The following CHKA variants were observed in gnomAD, a reference collection of about 807,000 sequenced individuals.
CHKA encodes choline kinase alpha.
CHKA carries 34 observed loss-of-function variants against 60.1 expected under a neutral mutation model. The ratio of observed to expected loss-of-function variants is 0.57; its 90% CI spans 0.43 to 0.75. CHKA has a LOEUF of 0.75. Among genes scored for constraint, CHKA ranks in the 30% least tolerant of loss-of-function variants. CHKA has a pLI of 0.00. For synonymous variants in CHKA, 217 were observed against 223.1 expected, an observed-to-expected ratio of 0.97 and a Z score of 0.24; for missense variants, 563 against 561.3, an observed-to-expected ratio of 1.00 and a Z score of -0.03.
At chr11:68,061,693 A>G in intron 11 of CHKA, 1 of 540,566 alleles carries the variant, frequency 1.8e-6, no homozygotes, top group Non-Finnish European at 3.6e-6. Flanking sequence ...TCTCTGAAGC[A>G]GGGGAGGCAA....
chr11:68,117,662 G>C (rs922411125), intron 1 of CHKA, among the ~76,000 whole-genome samples: 1 of 152,146 alleles, frequency 6.6e-6, no homozygotes, highest in Non-Finnish European at 1.5e-5. Context: ...GGGTGACAGA[G>C]CAAGACTCCA....
chr11:68,071,411 T>C (rs140165070), intron 4 of CHKA, among the ~76,000 whole-genome samples: 13 of 152,296 alleles, frequency 8.5e-5, no homozygotes, highest in Non-Finnish European at 1.5e-4. Context: ...CAGGGCAAAG[T>C]TGGGCAAAGA....
chr11:68,073,498 T>C (rs533641278), intron 4 of CHKA, among the ~76,000 whole-genome samples: 2 of 152,212 alleles, frequency 1.3e-5, no homozygotes, highest in South Asian at 2.1e-4. Context: ...TACTAAAACA[T>C]AGCCAGGTGC....
At chr11:68,073,745 C>T (rs1488757836) in intron 4 of CHKA, among the ~76,000 whole-genome samples, 1 of 152,182 alleles carries the variant, frequency 6.6e-6, no homozygotes, top group Non-Finnish European at 1.5e-5. Context: ...GCAGAGCACC[C>T]CTCTGCCAGG....
At chr11:68,070,393 G>A (rs192427162) in intron 5 of CHKA, 100 bp from the exon 6 acceptor site, 1,109 of 912,450 alleles carry the variant, frequency 1.2e-3, no homozygotes, top group Non-Finnish European at 1.8e-3. Flanking sequence ...CAATCCCAGC[G>A]CAGTCACAAT....
At chr11:68,093,165 G>A (rs1315604837) in intron 2 of CHKA, among the ~76,000 whole-genome samples, 1 of 151,930 alleles carries the variant, frequency 6.6e-6, no homozygotes, top group African/African-American at 2.4e-5. Flanking sequence ...ATGCCACCAC[G>A]CCCAGCTATT....
chr11:68,120,846 A>G lies in CHKA; in HGVS notation c.332T>C (p.Phe111Ser). 3 of 1,327,224 alleles carry G rather than the reference A, an allele frequency of 2.3e-6. No homozygotes were observed. Among genetic ancestry groups the G allele is most frequent in the Non-Finnish European group, 2.9e-6 (3 of 1,021,938 alleles). 82.2% of individuals were successfully genotyped at this position (1,327,224 alleles called of 1,614,324 possible). Residue 111 changes from phenylalanine (F) to serine (S), a missense_variant, in exon 1 of 12, where the codon TTC becomes TCC. Physicochemically the swap from Phe to Ser is radical, Grantham distance 155 (BLOSUM62 -2). Transcript: ENST00000265689. ...CACCGACCTGATGACACTGATGTGG[A>G]ACTCGTCCTCGCGGAGGCCCCGCCA... Reference protein sequence around the residue: ...GAWRGLREDEFHISVIRGGLS... With the variant: ...GAWRGLREDESHISVIRGGLS...
In CHKA at chr11:68,053,888, GCCT is replaced by G; in HGVS notation, c.*97_*99del. On this transcript the variant is annotated 3_prime_UTR_variant, in exon 12 of 12. Coordinates refer to ENST00000265689, the MANE Select transcript of CHKA (RefSeq NM_001277.3). ...TGTGTTCAGTAGTGAGCCACCCAAA[GCCT>G]CCTGCCACAGGAGCAGTAGTCGAAG... 4.3e-6 allele frequency: 4 copies of G among 938,104 alleles called. No homozygotes were observed. Among genetic ancestry groups the G allele is most frequent in the Non-Finnish European group, 5.1e-6 (3 of 589,246 alleles). The allele number at this position is 938,104 out of a possible 1,614,324, so 58.1% of individuals were successfully genotyped here.
chr11:68,105,782 T>C (rs1857893145), intron 1 of CHKA, among the ~76,000 whole-genome samples: 1 of 152,058 alleles, frequency 6.6e-6, no homozygotes. Flanking sequence ...TATATTTTGC[T>C]GAAAAGCAAA....
At position 68,053,153 on chromosome 11, in the gene CHKA, C is replaced by T. The variant is rs756213413; in HGVS notation, c.*835G>A. On this transcript the variant is annotated 3_prime_UTR_variant, in exon 12 of 12. Coordinates refer to ENST00000265689, the MANE Select transcript of CHKA (RefSeq NM_001277.3). Reference sequence around the variant, plus strand: ...GGAGGCCCAGCCTACTCACAGGATCCGACACTCCAGGCAGAGCAGAGGGCA... The same window carrying T: ...GGAGGCCCAGCCTACTCACAGGATCTGACACTCCAGGCAGAGCAGAGGGCA... 3.8e-5 allele frequency: 6 copies of T among 156,132 alleles called. 1 individual carries two copies. The highest frequency in any genetic ancestry group is 7.1e-5 in the Non-Finnish European group (5 of 70,042). 9.7% of individuals were successfully genotyped at this position (156,132 alleles called of 1,614,324 possible).
At chr11:68,084,907 T>A (rs1857131994) in intron 2 of CHKA, among the ~76,000 whole-genome samples, 1 of 152,068 alleles carries the variant, frequency 6.6e-6, no homozygotes, top group Non-Finnish European at 1.5e-5. Flanking sequence ...TAAAAACTTT[T>A]AAAAAATAAA....
chr11:68,057,359 G>A (rs1039655757), intron 11 of CHKA, among the ~76,000 whole-genome samples: 9 of 151,740 alleles, frequency 5.9e-5, no homozygotes, highest in Admixed American at 2.6e-4. Flanking sequence ...TCATTCTGTC[G>A]CCCAGGCCAG....
chr11:68,069,060 T>A, intron 6 of CHKA, 123 bp from the exon 7 acceptor site: 1 of 665,782 alleles, frequency 1.5e-6, no homozygotes, highest in Non-Finnish European at 2.7e-6. Context: ...CAGAGTAGTA[T>A]CTGTGATGTG....
intron 6 of CHKA, 60 bp from the exon 7 acceptor site, chr11:68,068,997 G>T (rs1856531862): frequency 1.5e-6 from 2 of 1,349,000 alleles, no homozygotes; most frequent in African/African-American, 1.4e-5. Context: ...ACACAGTCTT[G>T]CTTTCTCCAC....
intron 11 of CHKA, among the ~76,000 whole-genome samples, chr11:68,056,376 ACT>A (rs1225369460): frequency 6.6e-6 from 1 of 151,916 alleles, no homozygotes; most frequent in African/African-American, 2.4e-5. Context: ...GGGTCATAAG[ACT>A]CTTATTCCAG....
At position 68,053,970 on chromosome 11, in the gene CHKA, ATG is replaced by A. The variant is rs752279679; in HGVS notation, c.*16_*17del. ...CCCATGCAGTCCAGTGATGAGGTGGATGGAGTCCTCCCCACAGTCACACCCCA... is the reference window on the plus strand; with the variant it reads ...CCCATGCAGTCCAGTGATGAGGTGGAGAGTCCTCCCCACAGTCACACCCCA... On this transcript the variant is annotated 3_prime_UTR_variant, in exon 12 of 12. Transcript: ENST00000265689. 1.2e-5 allele frequency: 20 copies of A among 1,611,098 alleles called. No homozygotes were observed. In the East Asian group the frequency reaches 2.5e-4, roughly 20 times the overall value.
chr11:68,081,992 T>C (rs913705649), intron 2 of CHKA: 1 of 152,324 alleles, frequency 6.6e-6, no homozygotes, highest in African/African-American at 2.4e-5. Context: ...TTTCCCAGAG[T>C]AACCCCTCTA....
intron 2 of CHKA, among the ~76,000 whole-genome samples, chr11:68,095,584 C>T (rs1857475882): frequency 6.7e-6 from 1 of 148,744 alleles, no homozygotes; most frequent in Non-Finnish European, 1.5e-5. Flanking sequence ...TGGCAGGCAC[C>T]TGTAGTCCCA....
intron 4 of CHKA, among the ~76,000 whole-genome samples, chr11:68,072,829 C>CA (rs915417124): frequency 6.6e-6 from 1 of 151,358 alleles, no homozygotes; most frequent in East Asian, 1.9e-4. Context: ...CCCATCTCTA[C>CA]AAAAAAAAAT....
Sources: allele counts gnomAD v4.1 joint callset (sites outside exome capture counted in the v4.1 genomes callset), GRCh38; gene constraint gnomAD v4.1.1; transcripts MANE v1.5; gene names NCBI Gene and HGNC (gene_info 2026-07-23, HGNC 2026-07-21).